The following EXOC4 variants were observed in gnomAD, a reference collection of about 807,000 sequenced individuals.
EXOC4 encodes SEC8-like 1.
In EXOC4, 71 loss-of-function variants were observed where a neutral mutation model predicts 107.2. The observed-to-expected ratio is 0.66, with a 90% CI of 0.55 to 0.81. The LOEUF is 0.81. Ranked by LOEUF, EXOC4 falls within the 30% of genes least tolerant of loss-of-function variation. EXOC4 has a pLI of 0.00. For missense variants in EXOC4, 1,108 were observed against 1,189.6 expected (o/e 0.93, Z 1.01); for synonymous variants, 456 against 441.2 (o/e 1.03, Z -0.42).
intron 10 of EXOC4, among the ~76,000 whole-genome samples, chr7:133,781,256 G>A (rs144939040): frequency 9.0e-4 from 137 of 152,316 alleles, no homozygotes; most frequent in African/African-American, 3.1e-3. Flanking sequence ...GGGTTTTCTC[G>A]TCCATTTCTT....
chr7:134,001,155 T>C (rs1243815182), intron 15 of EXOC4, among the ~76,000 whole-genome samples: 1 of 151,864 alleles, frequency 6.6e-6, no homozygotes, highest in African/African-American at 2.4e-5. Context: ...ACTATTGAGG[T>C]TTGTTTTTTC....
intron 1 of EXOC4, among the ~76,000 whole-genome samples, chr7:133,267,895 C>T (rs1249846115): frequency 6.6e-6 from 1 of 152,120 alleles, no homozygotes; most frequent in Non-Finnish European, 1.5e-5. Context: ...TTACTAAGCA[C>T]TTAATGTACC....
At chr7:133,558,493 C>T (rs1004559925) in intron 9 of EXOC4, among the ~76,000 whole-genome samples, 2 of 151,930 alleles carry the variant, frequency 1.3e-5, no homozygotes, top group East Asian at 1.9e-4. Context: ...CCTGAGGCAC[C>T]GGGGAGAGGG....
chr7:133,288,879 C>A (rs777992163), intron 2 of EXOC4, 43 bp from the exon 3 acceptor site: 1 of 1,566,718 alleles, frequency 6.4e-7, no homozygotes. Context: ...TTTAGACTGG[C>A]AAGACTTTGG....
intron 9 of EXOC4, among the ~76,000 whole-genome samples, chr7:133,530,632 A>G (rs1051964968): frequency 1.1e-4 from 16 of 152,192 alleles, no homozygotes; most frequent in African/African-American, 3.4e-4. Flanking sequence ...TCAAACGCTA[A>G]TCTCCTAAAG....
At chr7:133,694,451 A>T (rs945773390) in intron 10 of EXOC4, among the ~76,000 whole-genome samples, 9 of 152,160 alleles carry the variant, frequency 5.9e-5, no homozygotes, top group Admixed American at 5.2e-4. Context: ...GAATTACAAT[A>T]TTATTTCCAT....
At chr7:133,603,843 T>G (rs1037662747) in intron 9 of EXOC4, among the ~76,000 whole-genome samples, 3 of 152,176 alleles carry the variant, frequency 2.0e-5, no homozygotes, top group African/African-American at 7.2e-5. Flanking sequence ...AGAAAATAAT[T>G]TATTAATAAA....
At chr7:133,443,548 G>A (rs1798151695) in intron 7 of EXOC4, among the ~76,000 whole-genome samples, 1 of 152,184 alleles carries the variant, frequency 6.6e-6, no homozygotes, top group African/African-American at 2.4e-5. Flanking sequence ...CCATGGTCAA[G>A]CACCAGGGTG....
At chr7:133,399,755 G>T (rs1797049069) in intron 7 of EXOC4, among the ~76,000 whole-genome samples, 1 of 152,226 alleles carries the variant, frequency 6.6e-6, no homozygotes, top group South Asian at 2.1e-4. Context: ...GGGATAGAGG[G>T]CTTAGACATA....
chr7:133,513,320 G>A (rs1799810851), intron 9 of EXOC4, among the ~76,000 whole-genome samples: 1 of 152,052 alleles, frequency 6.6e-6, no homozygotes, highest in Non-Finnish European at 1.5e-5. Context: ...CCATCGCCTT[G>A]GCCTCCCAAA....
intron 15 of EXOC4, among the ~76,000 whole-genome samples, chr7:134,002,726 A>G (rs1012600042): frequency 2.6e-5 from 4 of 152,214 alleles, no homozygotes; most frequent in African/African-American, 9.6e-5. Flanking sequence ...GCTCAACATC[A>G]TTAGTCATTA....
At chr7:133,624,685 C>T (rs949812095) in intron 9 of EXOC4, among the ~76,000 whole-genome samples, 8 of 151,968 alleles carry the variant, frequency 5.3e-5, no homozygotes, top group Non-Finnish European at 7.4e-5. Flanking sequence ...CTCTGCCTCC[C>T]GGGCTCAAGC....
intron 11 of EXOC4, among the ~76,000 whole-genome samples, chr7:133,874,936 C>T (rs1798818706): frequency 6.6e-6 from 1 of 152,164 alleles, no homozygotes; most frequent in South Asian, 2.1e-4. Context: ...TGGCTGAGGA[C>T]ATGTAATCTT....
intron 10 of EXOC4, among the ~76,000 whole-genome samples, chr7:133,799,909 T>C (rs930598974): frequency 6.6e-6 from 1 of 152,174 alleles, no homozygotes; most frequent in African/African-American, 2.4e-5. Flanking sequence ...ATTAATGTGA[T>C]TTAAAGGAAA....
chr7:134,014,154 A>G (rs1010798665), intron 17 of EXOC4, among the ~76,000 whole-genome samples: 1 of 152,268 alleles, frequency 6.6e-6, no homozygotes, highest in African/African-American at 2.4e-5. Flanking sequence ...CTGTAATCCC[A>G]GTACTTTGGG....
At chr7:133,896,725 G>T (rs1446615152) in intron 12 of EXOC4, among the ~76,000 whole-genome samples, 3 of 149,058 alleles carry the variant, frequency 2.0e-5, no homozygotes, top group Non-Finnish European at 4.4e-5. Flanking sequence ...GAGTGCAATG[G>T]CACAATCTTG....
At chr7:134,075,066 A>C in the EXOC4 span, among the ~76,000 whole-genome samples, 1 of 152,256 alleles carries the variant, frequency 6.6e-6, no homozygotes, top group African/African-American at 2.4e-5. Context: ...GAGGATCAGC[A>C]CAGTGCAGTC....
At chr7:133,743,851 C>T (rs1332700529) in intron 10 of EXOC4, among the ~76,000 whole-genome samples, 1 of 152,100 alleles carries the variant, frequency 6.6e-6, no homozygotes, top group Non-Finnish European at 1.5e-5. Flanking sequence ...TACATCAGAG[C>T]CACCCTGCTT....
At chr7:134,075,911 C>A in the EXOC4 span, among the ~76,000 whole-genome samples, 34 of 152,262 alleles carry the variant, frequency 2.2e-4, no homozygotes, top group Admixed American at 2.0e-4. Flanking sequence ...GAGCAGAGCC[C>A]CAGCTGACCT....
Sources: allele counts gnomAD v4.1 joint callset (sites outside exome capture counted in the v4.1 genomes callset), GRCh38; gene constraint gnomAD v4.1.1; transcripts MANE v1.5; gene names NCBI Gene and HGNC (gene_info 2026-07-23, HGNC 2026-07-21).